XG: variants seen among roughly 807,000 people sequenced by gnomAD.
The protein encoded by XG is glycoprotein Xg.
In XG, 24 loss-of-function variants were observed where a neutral mutation model predicts 25.7. The observed-to-expected ratio is 0.93, with a 90% CI of 0.68 to 1.31. XG has a LOEUF of 1.31. Ranked by LOEUF, XG falls within the 40% of genes most tolerant of loss-of-function variation. The pLI is 0.00. For synonymous variants in XG, 77 were observed against 69.2 expected (o/e 1.11, Z -0.56); for missense variants, 181 against 187.6 (o/e 0.96, Z 0.21).
At chrX:2,764,395 A>G (rs2050630567) in intron 1 of XG, among the ~76,000 whole-genome samples, 1 of 152,218 alleles carries the variant, frequency 6.6e-6, no homozygotes, top group Non-Finnish European at 1.5e-5. Context: ...TGCAAGGTCC[A>G]AGAACCCTGT....
At chrX:2,801,857 C>T (rs757948771) in intron 7 of XG, among the ~76,000 whole-genome samples, 29 of 110,487 alleles carry the variant, frequency 2.6e-4, no homozygotes, top group East Asian at 8.7e-4. Context: ...TACAGGCGCC[C>T]GCCACCACGC....
intron 7 of XG, among the ~76,000 whole-genome samples, chrX:2,805,695 G>C (rs1474741098): frequency 9.0e-6 from 1 of 111,717 alleles, no homozygotes; most frequent in African/African-American, 3.3e-5. Context: ...TTCTCCCTGT[G>C]TCCTCACAGG....
rs2086982785 is a variant in XG, at chrX:2,805,136, A to G, written c.374-1565A>G. Among the ~76,000 whole-genome samples, 3 of 112,447 alleles carry G rather than the reference A, an allele frequency of 2.7e-5. No homozygotes were observed. In the Admixed American group the frequency reaches 2.8e-4, roughly 11 times the overall value. On this transcript the variant is annotated intron_variant, in intron 7 of 10. Transcript: ENST00000644266. Reference sequence around the variant, plus strand: ...CTCCCCGAATCCCCAAAGGAGGCAGAGCGTGTTAGGCTTGTTCTGGCTTCA... The same window carrying G: ...CTCCCCGAATCCCCAAAGGAGGCAGGGCGTGTTAGGCTTGTTCTGGCTTCA...
intron 1 of XG, among the ~76,000 whole-genome samples, chrX:2,757,971 C>CAAAAAAA (rs59540338): frequency 3.4e-5 from 3 of 88,646 alleles, no homozygotes; most frequent in African/African-American, 1.3e-4. Flanking sequence ...GACTCCATCT[C>CAAAAAAA]AAAAAAAAAA....
At chrX:2,781,529 A>G (rs971933886) in intron 3 of XG, among the ~76,000 whole-genome samples, 1 of 112,951 alleles carries the variant, frequency 8.9e-6, no homozygotes, top group African/African-American at 3.2e-5. Context: ...CATAGCTTGG[A>G]AGGTATATAA....
chrX:2,782,058 C>A lies in XG; in HGVS notation c.128-8C>A. 3 of 1,210,553 alleles carry A rather than the reference C, an allele frequency of 2.5e-6. No homozygotes were observed. The highest frequency in any genetic ancestry group is 3.4e-6 in the Non-Finnish European group (3 of 894,497). ...TTTTCTAACAGTGCAATGTTGTTTC[C>A]TCCACAGATATCTACCCAAAGCCAA... On this transcript the variant is annotated splice_region_variant and splice_polypyrimidine_tract_variant and intron_variant, in intron 3 of 10. Coordinates refer to ENST00000644266, the MANE Select transcript of XG (RefSeq NM_001141919.2).
chrX:2,773,948 C>A (rs1234543385), intron 2 of XG, among the ~76,000 whole-genome samples: 1 of 152,050 alleles, frequency 6.6e-6, no homozygotes, highest in Non-Finnish European at 1.5e-5. Context: ...AACCATATGC[C>A]CCGTTTGGAG....
intron 10 of XG, 32 bp from the exon 11 acceptor site, chrX:2,814,325 TGCCCCCA>T: frequency 8.4e-7 from 1 of 1,189,480 alleles, no homozygotes; most frequent in African/African-American, 1.8e-5. Flanking sequence ...CTTTTTTTTT[TGCCCCCA>T]CAATGACATT....
chrX:2,792,764 T>C (rs752096652), intron 5 of XG, among the ~76,000 whole-genome samples: 1 of 110,198 alleles, frequency 9.1e-6, no homozygotes, highest in East Asian at 2.9e-4. Flanking sequence ...CTGTGCATGC[T>C]ACCTCGACTT....
At chrX:2,757,277 T>C (rs2050456345) in intron 1 of XG, among the ~76,000 whole-genome samples, 1 of 151,810 alleles carries the variant, frequency 6.6e-6, no homozygotes, top group Non-Finnish European at 1.5e-5. Flanking sequence ...GGGTCTGGGG[T>C]TTGGGGTTAT....
chrX:2,754,615 G>A (rs1195931739), intron 1 of XG, among the ~76,000 whole-genome samples: 1 of 152,068 alleles, frequency 6.6e-6, no homozygotes, highest in East Asian at 1.9e-4. Flanking sequence ...TGATCACAAG[G>A]TCCCACAACA....
At position 2,759,060 on chromosome X, in the gene XG, C is replaced by G. The variant is rs141808714; in HGVS notation, c.61+6725C>G. Among the ~76,000 whole-genome samples, 33 of 152,312 alleles carry G rather than the reference C, an allele frequency of 2.2e-4. No individual in the cohort carries two copies. The East Asian group carries it at 6.4e-3, about 29-fold the overall frequency. On this transcript the variant is annotated intron_variant, in intron 1 of 10. Transcript: ENST00000644266. ...TCTATCTATCCATCCGTCTATCAATCTATCTATTTATCTAGCAGTCCATCA... is the reference window on the plus strand; with the variant it reads ...TCTATCTATCCATCCGTCTATCAATGTATCTATTTATCTAGCAGTCCATCA...
intron 3 of XG, among the ~76,000 whole-genome samples, chrX:2,777,470 G>T (rs2051024126): frequency 6.6e-6 from 1 of 152,192 alleles, no homozygotes; most frequent in African/African-American, 2.4e-5. Flanking sequence ...GTGAATGCCT[G>T]TAGTCCCAGC....
At chrX:2,795,547 G>C (rs1349505793) in intron 6 of XG, among the ~76,000 whole-genome samples, 10 of 108,357 alleles carry the variant, frequency 9.2e-5, no homozygotes, top group African/African-American at 3.3e-4. Context: ...ACCTTTATGT[G>C]TATATACTTT....
chrX:2,763,345 G>C (rs1253201269), intron 1 of XG, among the ~76,000 whole-genome samples: 1 of 152,120 alleles, frequency 6.6e-6, no homozygotes, highest in Non-Finnish European at 1.5e-5. Flanking sequence ...GCCCTGAGTT[G>C]ATTTTCAGGA....
chrX:2,807,796 A>C (rs1246403360), intron 8 of XG, among the ~76,000 whole-genome samples: 1 of 111,895 alleles, frequency 8.9e-6, no homozygotes, highest in East Asian at 2.8e-4. Context: ...GTGTGTATGC[A>C]TGTGCACACA....
intron 1 of XG, among the ~76,000 whole-genome samples, chrX:2,759,617 C>T (rs1446655766): frequency 6.6e-6 from 1 of 152,138 alleles, no homozygotes; most frequent in African/African-American, 2.4e-5. Flanking sequence ...TGTTTGGCAC[C>T]TGAGTGTGAA....
At chrX:2,756,959 T>G (rs1457620173) in intron 1 of XG, among the ~76,000 whole-genome samples, 1 of 152,190 alleles carries the variant, frequency 6.6e-6, no homozygotes, top group Non-Finnish European at 1.5e-5. Context: ...AGTGCCGTCT[T>G]GGTACCCGGG....
At chrX:2,786,156 C>T (rs192127816) in intron 4 of XG, among the ~76,000 whole-genome samples, 11 of 109,749 alleles carry the variant, frequency 1.0e-4, no homozygotes, top group Non-Finnish European at 1.9e-4. Context: ...TTTCTCAGGC[C>T]AACTGTTGAC....
Sources: allele counts gnomAD v4.1 joint callset (sites outside exome capture counted in the v4.1 genomes callset), GRCh38; gene constraint gnomAD v4.1.1; transcripts MANE v1.5; gene names NCBI Gene and HGNC (gene_info 2026-07-23, HGNC 2026-07-21).